KCNMA1: variants seen among roughly 807,000 people sequenced by gnomAD.
KCNMA1 encodes Calcium-activated potassium channel subunit alpha-1.
A neutral mutation model predicts 140.0 loss-of-function variants in KCNMA1; 29 were observed. The observed-to-expected ratio is 0.21, with a 90% CI of 0.15 to 0.28. KCNMA1 has a LOEUF of 0.28. Ranked by LOEUF, KCNMA1 falls within the 10% of genes least tolerant of loss-of-function variation. The probability of loss-of-function intolerance (pLI) is 1.00; values close to 1 mark genes in which losing one functional copy is unlikely to be tolerated. For synonymous variants in KCNMA1, 612 were observed against 611.9 expected, an observed-to-expected ratio of 1.00 and a Z score of 0.00; for missense variants, 880 against 1,602.2, an observed-to-expected ratio of 0.55 and a Z score of 7.70.
chr10:77,457,136 G>C (rs1034881642), intron 1 of KCNMA1, among the ~76,000 whole-genome samples: 4 of 152,148 alleles, frequency 2.6e-5, no homozygotes, highest in African/African-American at 9.7e-5. Flanking sequence ...CAGGATGACA[G>C]CCTCTCACTT....
chr10:76,993,805 T>G (rs1233495027), intron 19 of KCNMA1, among the ~76,000 whole-genome samples: 1 of 152,222 alleles, frequency 6.6e-6, no homozygotes, highest in Non-Finnish European at 1.5e-5. Context: ...ACCCTTGGCC[T>G]GGCCCCTGCC....
At chr10:77,077,838 TCA>T in intron 13 of KCNMA1, 1 of 152,312 alleles carries the variant, frequency 6.6e-6, no homozygotes, top group Admixed American at 6.5e-5. Context: ...ACCAATATCC[TCA>T]CTTTATCTCT....
intron 1 of KCNMA1, among the ~76,000 whole-genome samples, chr10:77,525,718 T>C (rs1603632819): frequency 6.6e-6 from 1 of 152,354 alleles, no homozygotes; most frequent in East Asian, 1.9e-4. Flanking sequence ...TGTGATGCCA[T>C]GTGCACCCCA....
At chr10:77,631,360 G>T (rs1321604763) in intron 1 of KCNMA1, among the ~76,000 whole-genome samples, 2 of 152,122 alleles carry the variant, frequency 1.3e-5, no homozygotes, top group South Asian at 4.1e-4. Context: ...GAAAGGCATG[G>T]CCCTGTCTGA....
chr10:77,097,653 T>C (rs917962771), intron 9 of KCNMA1, among the ~76,000 whole-genome samples: 10 of 152,104 alleles, frequency 6.6e-5, no homozygotes, highest in Non-Finnish European at 1.3e-4. Flanking sequence ...AGAGTGTGTA[T>C]CAGTCCCACA....
intron 2 of KCNMA1, among the ~76,000 whole-genome samples, chr10:77,282,969 G>A (rs1016490590): frequency 7.9e-5 from 12 of 152,244 alleles, no homozygotes; most frequent in African/African-American, 2.7e-4. Context: ...CCTGCCTCTG[G>A]CAGAGTAAAT....
chr10:76,886,183 A>G lies in KCNMA1; in HGVS notation c.*1083T>C. 1.0e-6 allele frequency: 1 copy of G among 985,138 alleles called. No homozygotes were observed. The highest frequency in any genetic ancestry group is 1.2e-6 in the Non-Finnish European group (1 of 829,890). 61.0% of individuals were successfully genotyped at this position (985,138 alleles called of 1,614,324 possible). ...CTGCAGCTGGGTTTGTCTTCCTCTCACTCTACCATTGCCCCAGCCCTTCCT... is the reference window on the plus strand; with the variant it reads ...CTGCAGCTGGGTTTGTCTTCCTCTCGCTCTACCATTGCCCCAGCCCTTCCT... On this transcript the variant is annotated 3_prime_UTR_variant, in exon 28 of 28. Coordinates refer to ENST00000286628, the MANE Select transcript of KCNMA1 (RefSeq NM_001161352.2).
intron 19 of KCNMA1, among the ~76,000 whole-genome samples, chr10:76,999,214 A>G (rs989209499): frequency 1.3e-5 from 2 of 152,234 alleles, no homozygotes; most frequent in South Asian, 4.1e-4. Context: ...CCTCTAATTA[A>G]GATTTCTCTT....
intron 14 of KCNMA1, among the ~76,000 whole-genome samples, chr10:77,058,377 T>C (rs2095619701): frequency 6.6e-6 from 1 of 152,024 alleles, no homozygotes; most frequent in South Asian, 2.1e-4. Context: ...AGCAAGGGTA[T>C]AGAAGAAATG....
chr10:77,470,176 C>A (rs2098119971), intron 1 of KCNMA1, among the ~76,000 whole-genome samples: 1 of 152,016 alleles, frequency 6.6e-6, no homozygotes, highest in African/African-American at 2.4e-5. Context: ...CTGCAAGGAT[C>A]CAGGAAAGGG....
At chr10:77,517,088 T>C (rs2050811576) in intron 1 of KCNMA1, among the ~76,000 whole-genome samples, 1 of 151,990 alleles carries the variant, frequency 6.6e-6, no homozygotes, top group Non-Finnish European at 1.5e-5. Context: ...GAAGGGCGCA[T>C]TGGTGAAAAA....
At chr10:77,608,925 AAAAG>A (rs937413590) in intron 1 of KCNMA1, among the ~76,000 whole-genome samples, 1 of 143,228 alleles carries the variant, frequency 7.0e-6, no homozygotes, top group Non-Finnish European at 1.5e-5. Context: ...TATAAGCAAA[AAAAG>A]AGAGAGAGAG....
chr10:76,898,524 A>G (rs1023397210), intron 25 of KCNMA1, among the ~76,000 whole-genome samples: 1 of 151,798 alleles, frequency 6.6e-6, no homozygotes, highest in Non-Finnish European at 1.5e-5. Flanking sequence ...AAAAAAAAAA[A>G]TCAATGGCCA....
At chr10:77,145,424 CA>C (rs1204287925) in intron 5 of KCNMA1, among the ~76,000 whole-genome samples, 1 of 151,822 alleles carries the variant, frequency 6.6e-6, no homozygotes, top group Admixed American at 6.6e-5. Flanking sequence ...GTGTCTATTC[CA>C]AAAAAAACTG....
intron 2 of KCNMA1, among the ~76,000 whole-genome samples, chr10:77,358,927 G>A (rs768849811): frequency 6.6e-5 from 10 of 152,046 alleles, no homozygotes; most frequent in Non-Finnish European, 1.3e-4. Context: ...AGCCACCCTC[G>A]GTCAAACCTT....
At chr10:77,177,509 C>A (rs980766215) in intron 5 of KCNMA1, among the ~76,000 whole-genome samples, 3 of 140,324 alleles carry the variant, frequency 2.1e-5, no homozygotes, top group African/African-American at 8.0e-5. Flanking sequence ...CTTTTCTTTT[C>A]TTTTTTCTTT....
chr10:76,964,279 T>C (rs1345165254), intron 20 of KCNMA1, among the ~76,000 whole-genome samples: 2 of 152,062 alleles, frequency 1.3e-5, no homozygotes, highest in African/African-American at 2.4e-5. Context: ...TGCATTATTT[T>C]CCCTGCTGCC....
At position 77,404,078 on chromosome 10, in the gene KCNMA1, A is replaced by C. The variant is rs564427465; in HGVS notation, c.379-55T>G. On this transcript the variant is annotated intron_variant, in intron 1 of 27. Coordinates refer to ENST00000286628, the MANE Select transcript of KCNMA1 (RefSeq NM_001161352.2). Reference sequence around the variant, plus strand: ...ATAGGGAACAATGGATTTAAATAACATGCTCTACCCATAAAGAACCAGAGC... The same window carrying C: ...ATAGGGAACAATGGATTTAAATAACCTGCTCTACCCATAAAGAACCAGAGC... The C allele has an allele frequency of 5.7e-6, 9 of 1,578,344 alleles. No homozygotes were observed. In the African/African-American group the frequency reaches 1.2e-4, roughly 21 times the overall value.
Position 77,637,456 on chromosome 10 carries a change from C to G in KCNMA1, c.187G>C (p.Glu63Gln), listed in dbSNP as rs749265202. 5.6e-6 allele frequency: 9 copies of G among 1,612,488 alleles called. No homozygotes were observed. The highest frequency in any genetic ancestry group is 3.3e-4 in the Middle Eastern group (2 of 6,078). The change falls in exon 1 of 28, where the codon GAG becomes CAG. Residue 63 changes from glutamate to glutamine, a missense_variant. By Grantham distance (29) the Glu-to-Gln change is conservative (BLOSUM62 2). Around this residue, in one of 13 missense-constraint regions of KCNMA1, gnomAD observed 94 missense variants for 92.4 expected, o/e 1.02. Coordinates refer to ENST00000286628, the MANE Select transcript of KCNMA1 (RefSeq NM_001161352.2). ...ATGATGAGCGCATCCATCTTGGGCTCGTGGACCGAGGACGAGGAGGAAGAG... is the reference window on the plus strand; with the variant it reads ...ATGATGAGCGCATCCATCTTGGGCTGGTGGACCGAGGACGAGGAGGAAGAG... Reference protein sequence around the residue: ...SSSSSSSSVHEPKMDALIIPV... With the variant: ...SSSSSSSSVHQPKMDALIIPV...
Sources: gnomAD v4.1 joint callset for allele counts (sites outside exome capture counted in the v4.1 genomes callset) on GRCh38, gnomAD v4.1.1 for gene constraint, gnomAD v4.1.1 regional missense constraint, MANE v1.5 for transcripts, NCBI Gene and HGNC (gene_info 2026-07-23, HGNC 2026-07-21) for gene names.